The following HECW1 variants were observed in gnomAD, a reference collection of about 807,000 sequenced individuals.
HECW1 encodes E3 ubiquitin-protein ligase HECW1.
HECW1 carries 61 observed loss-of-function variants against 182.3 expected under a neutral mutation model. The ratio of observed to expected loss-of-function variants is 0.33; its 90% CI spans 0.27 to 0.41. The LOEUF (loss-of-function observed/expected upper bound fraction) is 0.41. HECW1 is among the 10% of genes least tolerant of loss of function. The probability of loss-of-function intolerance (pLI) is 1.00; values close to 1 mark genes in which losing one functional copy is unlikely to be tolerated. For missense variants in HECW1, 1,739 were observed against 2,108.9 expected (o/e 0.82, Z 3.44); for synonymous variants, 859 against 832.6 (o/e 1.03, Z -0.55).
intron 6 of HECW1, among the ~76,000 whole-genome samples, chr7:43,369,661 T>A (rs974396519): frequency 5.3e-5 from 8 of 152,178 alleles, no homozygotes; most frequent in Non-Finnish European, 1.2e-4. Context: ...ATATGATGAA[T>A]CTTGACATGA....
chr7:43,474,969 G>T (rs990299718), intron 16 of HECW1, among the ~76,000 whole-genome samples: 3 of 152,194 alleles, frequency 2.0e-5, no homozygotes, highest in African/African-American at 7.2e-5. Flanking sequence ...GTTCCCAGGG[G>T]CTTCAAGGAG....
intron 3 of HECW1, among the ~76,000 whole-genome samples, chr7:43,282,755 C>G (rs986313788): frequency 6.6e-6 from 1 of 152,138 alleles, no homozygotes; most frequent in Non-Finnish European, 1.5e-5. Flanking sequence ...CAACAGTCAT[C>G]TAACTGACAA....
At chr7:43,237,080 A>G (rs36136846) in intron 2 of HECW1, among the ~76,000 whole-genome samples, 41,129 of 143,028 alleles carry the variant, frequency 0.29, 6,006 homozygotes, top group African/African-American at 0.31. Flanking sequence ...GGAGGGAGGG[A>G]GGGAGGAAGC....
At chr7:43,159,615 C>CT (rs1450801433) in intron 2 of HECW1, among the ~76,000 whole-genome samples, 2 of 151,344 alleles carry the variant, frequency 1.3e-5, no homozygotes, top group Non-Finnish European at 2.9e-5. Context: ...TCTACTAACA[C>CT]ATACAAAAAA....
chr7:43,498,707 C>G (rs1228917187), intron 19 of HECW1, among the ~76,000 whole-genome samples: 2 of 152,136 alleles, frequency 1.3e-5, no homozygotes, highest in African/African-American at 4.8e-5. Flanking sequence ...GTGAACACCC[C>G]CCAGGTTCTG....
chr7:43,163,823 A>C (rs1333531270), intron 2 of HECW1, among the ~76,000 whole-genome samples: 3 of 152,180 alleles, frequency 2.0e-5, no homozygotes, highest in Non-Finnish European at 4.4e-5. Context: ...ATTTGATGGA[A>C]GGATTTGGAC....
At chr7:43,283,853 A>G (rs546151757) in intron 3 of HECW1, among the ~76,000 whole-genome samples, 1 of 152,360 alleles carries the variant, frequency 6.6e-6, no homozygotes, top group South Asian at 2.1e-4. Flanking sequence ...TGAGAGAAAC[A>G]GTTGACAAGT....
rs372946242 is a variant in HECW1 at position 43,559,186 on chromosome 7, G to C, written c.4710-2629G>C. 2.6e-5 allele frequency among the ~76,000 whole-genome samples: 4 copies of C among 151,638 alleles called. No homozygotes were observed. In the East Asian group the frequency reaches 7.7e-4, roughly 29 times the overall value. The stretch of plus-strand genomic sequence containing the variant: ...AGACGGGGAGATCAACTGTGTAGAT[G>C]ACACAGTTAGAAGGATAAACAATAC... On this transcript the variant is annotated intron_variant, in intron 29 of 29. Transcript: ENST00000395891.
intron 5 of HECW1, among the ~76,000 whole-genome samples, chr7:43,330,112 G>A (rs997890894): frequency 2.0e-5 from 3 of 152,152 alleles, no homozygotes; most frequent in South Asian, 2.1e-4. Context: ...ATTGAGAGGC[G>A]GGGTCCATGT....
At chr7:43,119,522 A>T (rs981918827) in intron 2 of HECW1, among the ~76,000 whole-genome samples, 10 of 152,040 alleles carry the variant, frequency 6.6e-5, no homozygotes, top group African/African-American at 2.2e-4. Flanking sequence ...TTCCCTTCTT[A>T]CTTAAATTCC....
At chr7:43,533,762 G>T (rs2152949109) in intron 24 of HECW1, among the ~76,000 whole-genome samples, 1 of 152,234 alleles carries the variant, frequency 6.6e-6, no homozygotes, top group South Asian at 2.1e-4. Context: ...ATCACCAAAT[G>T]CCCAGCCTCT....
chr7:43,449,912 ATG>A (rs2077177971), intron 11 of HECW1, among the ~76,000 whole-genome samples: 2 of 152,208 alleles, frequency 1.3e-5, no homozygotes, highest in African/African-American at 4.8e-5. Context: ...GCTGCTCTAC[ATG>A]CCTGAGGACA....
intron 3 of HECW1, among the ~76,000 whole-genome samples, chr7:43,294,575 G>A (rs1234564826): frequency 1.3e-5 from 2 of 152,150 alleles, no homozygotes; most frequent in South Asian, 2.1e-4. Flanking sequence ...TTGGCTCCTC[G>A]GTCCCCATCC....
rs886503497 is a variant in HECW1, at chr7:43,205,906, G to A, written c.-31-37969G>A. ...CTGGGGGCCCCCTACACTGAGCACA[G>A]CTGGGCCCCATCTTCCTTCCAGCCT... On this transcript the variant is annotated intron_variant, in intron 2 of 29. Transcript: ENST00000395891. 4.9e-4 allele frequency among the ~76,000 whole-genome samples: 75 copies of A among 152,198 alleles called. 1 individual carries two copies. The highest frequency in any genetic ancestry group is 4.8e-3 in the Admixed American group (73 of 15,280).
intron 8 of HECW1, among the ~76,000 whole-genome samples, chr7:43,414,506 G>T (rs902087661): frequency 6.7e-5 from 10 of 150,262 alleles, no homozygotes; most frequent in African/African-American, 2.2e-4. Flanking sequence ...AATAGGAGTG[G>T]TGAGAGAGGG....
chr7:43,435,967 A>G (rs1303953865), intron 8 of HECW1, among the ~76,000 whole-genome samples: 1 of 152,188 alleles, frequency 6.6e-6, no homozygotes, highest in Non-Finnish European at 1.5e-5. Flanking sequence ...GATGGAGACC[A>G]TCCTGGCTAA....
At chr7:43,201,828 A>G (rs1279627063) in intron 2 of HECW1, among the ~76,000 whole-genome samples, 1 of 152,238 alleles carries the variant, frequency 6.6e-6, no homozygotes, top group East Asian at 1.9e-4. Flanking sequence ...TTTCATTAAC[A>G]TTAGGACATA....
At chr7:43,490,692 C>T (rs773190437) in intron 17 of HECW1, among the ~76,000 whole-genome samples, 1 of 152,092 alleles carries the variant, frequency 6.6e-6, no homozygotes, top group Non-Finnish European at 1.5e-5. Context: ...TTTTCTTTCA[C>T]CTTTTACAAA....
intron 21 of HECW1, among the ~76,000 whole-genome samples, chr7:43,506,442 A>C (rs1244124893): frequency 6.6e-6 from 1 of 152,210 alleles, no homozygotes; most frequent in Non-Finnish European, 1.5e-5. Flanking sequence ...GGAAGACATA[A>C]ATATTTATTC....
Sources: gnomAD v4.1 joint callset for allele counts (sites outside exome capture counted in the v4.1 genomes callset) on GRCh38, gnomAD v4.1.1 for gene constraint, MANE v1.5 for transcripts, NCBI Gene and HGNC (gene_info 2026-07-23, HGNC 2026-07-21) for gene names.